Variants in UGGT2 observed in about 807,000 individuals in gnomAD.
The protein encoded by UGGT2 is UDP-glucose:glycoprotein glucosyltransferase 2.
UGGT2 carries 180 observed loss-of-function variants against 192.1 expected under a neutral mutation model. That is an observed-to-expected ratio of 0.94 (90% CI 0.83 to 1.06). The LOEUF is 1.06. Among genes scored for constraint, UGGT2 ranks in the 50% least tolerant of loss-of-function variants. UGGT2 has a pLI of 0.00. For synonymous variants in UGGT2, 580 were observed against 591.0 expected (o/e 0.98, Z 0.27); for missense variants, 1,849 against 1,795.7 (o/e 1.03, Z -0.54).
intron 1 of UGGT2, among the ~76,000 whole-genome samples, chr13:96,046,908 G>A (rs2053330107): frequency 6.6e-6 from 1 of 152,192 alleles, no homozygotes; most frequent in African/African-American, 2.4e-5. Flanking sequence ...CAAGGCAGCA[G>A]TGAGGCTGGG....
At chr13:96,023,294 C>T (rs187341288) in intron 3 of UGGT2, 142 bp from the exon 4 acceptor site, 5 of 629,676 alleles carry the variant, frequency 7.9e-6, no homozygotes, top group East Asian at 3.4e-5. Context: ...AACATCTATA[C>T]GTAGGTAGAA....
intron 27 of UGGT2, 41 bp downstream of exon 27, chr13:95,884,450 C>A: frequency 6.9e-7 from 1 of 1,453,316 alleles, no homozygotes. Context: ...AAGAATTTAT[C>A]CTGTTTCTCT....
chr13:96,040,495 A>C (rs1195909523), intron 1 of UGGT2, among the ~76,000 whole-genome samples: 1 of 152,132 alleles, frequency 6.6e-6, no homozygotes, highest in African/African-American at 2.4e-5. Context: ...TAACACAGAC[A>C]TTTTTCCAAA....
chr13:95,884,536 T>G lies in UGGT2; in HGVS notation c.3183A>C (p.Glu1061Asp). 1 of 1,613,950 alleles carries G rather than the reference T, an allele frequency of 6.2e-7. No homozygotes were observed. The highest frequency in any genetic ancestry group is 8.5e-7 in the Non-Finnish European group (1 of 1,179,904). ...CAAGGTCACAGTTGCTGTGCACTGT[T>G]TCAACCAACCAGCCTTCTGGAGTAA... is the stretch of plus-strand genomic sequence containing the variant. ...NMITPEGWLV[E>D]TVHSNCDLDN... The change falls in exon 27 of 39, where the codon GAA becomes GAC. Residue 1061 changes from glutamate to aspartate, a missense_variant. Transcript: ENST00000376747.
At chr13:95,808,157 T>C (rs560925675) in intron 38 of UGGT2, among the ~76,000 whole-genome samples, 1 of 152,272 alleles carries the variant, frequency 6.6e-6, no homozygotes, top group African/African-American at 2.4e-5. Flanking sequence ...CTTCCTGATC[T>C]CAGGGACAAA....
intron 32 of UGGT2, 155 bp from the exon 33 acceptor site, chr13:95,859,830 A>G (rs1889989857): frequency 2.0e-6 from 1 of 490,754 alleles, no homozygotes; most frequent in African/African-American, 2.0e-5. Context: ...GGTTTGTTAC[A>G]TAGGTCTTTT....
intron 30 of UGGT2, 146 bp from the exon 31 acceptor site, chr13:95,863,860 C>T: frequency 1.5e-6 from 1 of 660,906 alleles, no homozygotes; most frequent in South Asian, 1.8e-5. Flanking sequence ...TATCTTAGCA[C>T]AATGTTGTAA....
chr13:95,902,859 T>A lies in UGGT2; in HGVS notation c.2497A>T (p.Ile833Phe), dbSNP rs757144066. 6.2e-7 allele frequency: 1 copy of A among 1,612,382 alleles called. No individual in the cohort carries two copies. Among genetic ancestry groups the A allele is most frequent in the Non-Finnish European group, 8.5e-7 (1 of 1,179,158 alleles). ...TATTTCAAATAGCTACTGACCTCAA[T>A]AAGGAATGTTTTAATTTTATCTCCA... ...YSGDKIKTFL[I>F]EGMDKNAFEK... Residue 833 changes from isoleucine (I) to phenylalanine (F), a missense_variant, in exon 21 of 39, where the codon ATT becomes TTT. Physicochemically the swap from Ile to Phe is conservative, Grantham distance 21. Transcript: ENST00000376747.
At chr13:95,946,826 G>A (rs1270402464) in intron 15 of UGGT2, among the ~76,000 whole-genome samples, 1 of 152,088 alleles carries the variant, frequency 6.6e-6, no homozygotes, top group African/African-American at 2.4e-5. Flanking sequence ...TAGAACCTCA[G>A]TTGCCTAATT....
chr13:95,821,814 A>G (rs1566545636), intron 38 of UGGT2, among the ~76,000 whole-genome samples: 1 of 152,174 alleles, frequency 6.6e-6, no homozygotes, highest in Non-Finnish European at 1.5e-5. Context: ...TTTATTGAAT[A>G]GGGTGACCTT....
intron 36 of UGGT2, among the ~76,000 whole-genome samples, chr13:95,844,762 C>T (rs1487308865): frequency 6.6e-6 from 1 of 152,170 alleles, no homozygotes; most frequent in Non-Finnish European, 1.5e-5. Flanking sequence ...TTATTCCTTG[C>T]CAATCTGGAT....
intron 29 of UGGT2, among the ~76,000 whole-genome samples, chr13:95,872,288 T>C (rs952247286): frequency 7.0e-4 from 106 of 152,290 alleles, no homozygotes; most frequent in African/African-American, 2.4e-3. Context: ...TACAAAAAGA[T>C]TGACAGACAC....
intron 1 of UGGT2, among the ~76,000 whole-genome samples, chr13:96,051,565 G>A (rs1373946652): frequency 4.0e-5 from 6 of 151,862 alleles, no homozygotes; most frequent in Non-Finnish European, 5.9e-5. Context: ...CCCACAAAAC[G>A]GGAGAAAATC....
At chr13:95,820,640 T>C (rs1034034307) in intron 38 of UGGT2, among the ~76,000 whole-genome samples, 1 of 152,142 alleles carries the variant, frequency 6.6e-6, no homozygotes, top group Non-Finnish European at 1.5e-5. Flanking sequence ...GGGGTGCAAG[T>C]GGTTTTCGGT....
intron 4 of UGGT2, among the ~76,000 whole-genome samples, chr13:96,020,626 T>C (rs1043408810): frequency 1.3e-5 from 2 of 152,224 alleles, no homozygotes; most frequent in Admixed American, 6.5e-5. Flanking sequence ...TGTGTCAGAC[T>C]ACAACACAGT....
intron 27 of UGGT2, among the ~76,000 whole-genome samples, chr13:95,882,769 G>C (rs2047530235): frequency 6.6e-6 from 1 of 152,120 alleles, no homozygotes; most frequent in African/African-American, 2.4e-5. Context: ...ATCAGCTGTT[G>C]AATAGCTGCT....
rs10568232 is a variant in UGGT2 at position 95,972,136 on chromosome 13, ATTT to A, written c.1184+441_1184+443del. The stretch of plus-strand genomic sequence containing the variant: ...ATTCTGAGCAAAAAAATTTTGAAGA[ATTT>A]TTTTTTTTTTTTTTGACAAGAAACC... On this transcript the variant is annotated intron_variant, in intron 11 of 38. Coordinates refer to ENST00000376747, the MANE Select transcript of UGGT2 (RefSeq NM_020121.4). Among the ~76,000 whole-genome samples, 626 of 141,768 alleles carry A rather than the reference ATTT, an allele frequency of 4.4e-3. 1 individual carries two copies. Among genetic ancestry groups the A allele is most frequent in the African/African-American group, 0.011 (430 of 38,576 alleles). The allele number at this position is 141,768 out of a possible 152,430, so 93.0% of individuals were successfully genotyped here.
intron 10 of UGGT2, 146 bp downstream of exon 10, chr13:95,983,658 A>G (rs1444588071): frequency 2.9e-6 from 2 of 684,460 alleles, no homozygotes; most frequent in Non-Finnish European, 5.3e-6. Context: ...TATAGTCCAC[A>G]GTATAAAAAT....
At position 95,908,391 on chromosome 13, in the gene UGGT2, A is replaced by T. The variant is rs966589482; in HGVS notation, c.2296-5331T>A. On this transcript the variant is annotated intron_variant, in intron 20 of 38. Coordinates refer to ENST00000376747, the MANE Select transcript of UGGT2 (RefSeq NM_020121.4). ...AGGCCAATGTTCAAATTCAGGAAAT[A>T]CAGAGAACATCACAAAAATACTCCT... Among the ~76,000 whole-genome samples, 3 of 152,336 alleles carry T rather than the reference A, an allele frequency of 2.0e-5. No homozygotes were observed. In the South Asian group the frequency reaches 6.2e-4, roughly 32 times the overall value.
Sources: gnomAD v4.1 joint callset for allele counts (sites outside exome capture counted in the v4.1 genomes callset) on GRCh38, gnomAD v4.1.1 for gene constraint, MANE v1.5 for transcripts, NCBI Gene and HGNC (gene_info 2026-07-23, HGNC 2026-07-21) for gene names.